The following PRKN variants were observed in gnomAD, a reference collection of about 807,000 sequenced individuals.
PRKN encodes parkin RBR E3 ubiquitin protein ligase.
In PRKN, 56 loss-of-function variants were observed where a neutral mutation model predicts 59.5. The observed-to-expected ratio is 0.94, with a 90% CI of 0.76 to 1.18. The LOEUF (loss-of-function observed/expected upper bound fraction) is 1.18, where lower values mean the gene tolerates loss of function less well. PRKN is among the 50% of genes most tolerant of loss of function. The probability of loss-of-function intolerance (pLI) is 0.00; values close to 1 mark genes in which losing one functional copy is unlikely to be tolerated. For missense variants in PRKN, 657 were observed against 596.4 expected, an observed-to-expected ratio of 1.10 and a Z score of -1.06; for synonymous variants, 250 against 222.1, an observed-to-expected ratio of 1.13 and a Z score of -1.12.
intron 1 of PRKN, among the ~76,000 whole-genome samples, chr6:162,509,469 A>G (rs984498714): frequency 6.6e-6 from 1 of 152,232 alleles, no homozygotes; most frequent in African/African-American, 2.4e-5. Flanking sequence ...AAATGTCAAT[A>G]TGCTAAATTT....
chr6:162,255,077 AAAAAT>A (rs200687735), intron 3 of PRKN, among the ~76,000 whole-genome samples: 28,503 of 138,250 alleles, frequency 0.21, 3,541 homozygotes, highest in East Asian at 0.53. Context: ...AGATTCATAC[AAAAAT>A]AAAATAAAAT....
intron 2 of PRKN, among the ~76,000 whole-genome samples, chr6:162,411,582 T>G (rs1485080511): frequency 6.6e-6 from 1 of 152,202 alleles, no homozygotes; most frequent in African/African-American, 2.4e-5. Flanking sequence ...TAAATATCAC[T>G]GTCATTTAAA....
chr6:162,310,424 C>A (rs905249972), intron 2 of PRKN, among the ~76,000 whole-genome samples: 1 of 152,248 alleles, frequency 6.6e-6, no homozygotes, highest in South Asian at 2.1e-4. Flanking sequence ...ATGCCAGATG[C>A]AGGGTCAGGA....
chr6:162,623,100 T>C (rs376053125), intron 1 of PRKN, among the ~76,000 whole-genome samples: 4 of 152,264 alleles, frequency 2.6e-5, no homozygotes, highest in African/African-American at 9.6e-5. Flanking sequence ...ACCCAGTCAT[T>C]AGGCTTCAGC....
chr6:161,757,022 A>C (rs1460108538), intron 7 of PRKN, among the ~76,000 whole-genome samples: 1 of 152,202 alleles, frequency 6.6e-6, no homozygotes, highest in African/African-American at 2.4e-5. Context: ...TGCTGTTTGA[A>C]AAAAATAAAT....
At chr6:161,813,584 T>C (rs1431521823) in intron 6 of PRKN, among the ~76,000 whole-genome samples, 1 of 152,144 alleles carries the variant, frequency 6.6e-6, no homozygotes, top group Non-Finnish European at 1.5e-5. Flanking sequence ...CCACCCCCTA[T>C]GCCCATGCCG....
chr6:162,278,390 G>A (rs1043002567), intron 2 of PRKN, among the ~76,000 whole-genome samples: 1 of 152,102 alleles, frequency 6.6e-6, no homozygotes, highest in Non-Finnish European at 1.5e-5. Flanking sequence ...CATTTGTCCA[G>A]ACCCACAGAG....
At chr6:161,958,608 G>C (rs918609120) in intron 6 of PRKN, among the ~76,000 whole-genome samples, 1 of 151,670 alleles carries the variant, frequency 6.6e-6, no homozygotes, top group Non-Finnish European at 1.5e-5. Flanking sequence ...GCCAGGTGCA[G>C]TGGCTCACAC....
At chr6:162,473,954 G>T (rs1791883751) in intron 1 of PRKN, among the ~76,000 whole-genome samples, 1 of 152,102 alleles carries the variant, frequency 6.6e-6, no homozygotes, top group Admixed American at 6.5e-5. Context: ...AAAAATAACT[G>T]ATTTCCCACC....
Position 161,407,153 on chromosome 6 carries a change from T to A in PRKN, c.1084-20276A>T, listed in dbSNP as rs1010207662. Among the ~76,000 whole-genome samples, 1 of 152,182 alleles carries A rather than the reference T, an allele frequency of 6.6e-6. No homozygotes were observed. The highest frequency in any genetic ancestry group is 6.5e-5 in the Admixed American group (1 of 15,278). The stretch of plus-strand genomic sequence containing the variant: ...TCTTTATATTTTTATAAATATGGTT[T>A]CACAATTTTTTACAGAGTCATAATC... On this transcript the variant is annotated intron_variant, in intron 9 of 11. Coordinates refer to ENST00000366898, the MANE Select transcript of PRKN (RefSeq NM_004562.3). This position sits in a 1 kb window ranked among gnomAD's most constrained non-coding sequence, Gnocchi z 4.9.
chr6:161,764,016 C>T, intron 7 of PRKN, among the ~76,000 whole-genome samples: 1 of 152,154 alleles, frequency 6.6e-6, no homozygotes, highest in Admixed American at 6.5e-5. Context: ...CAGCATCTGA[C>T]TTCCAGGACT....
At chr6:162,486,660 AACAAGAAAG>A (rs1189193467) in intron 1 of PRKN, among the ~76,000 whole-genome samples, 3 of 152,216 alleles carry the variant, frequency 2.0e-5, no homozygotes, top group African/African-American at 7.2e-5. Flanking sequence ...ACATTCTACC[AACAAGAAAG>A]ACTATTTTAT....
At position 162,217,962 on chromosome 6, in the gene PRKN, T is replaced by G. The variant is rs1040141496; in HGVS notation, c.413-16710A>C. ...TGTGGGAAAACATTCTGGCAGGATCTCTATGCAAAAGAAACAGGTGGTTTA... is the reference window on the plus strand; with the variant it reads ...TGTGGGAAAACATTCTGGCAGGATCGCTATGCAAAAGAAACAGGTGGTTTA... On this transcript the variant is annotated intron_variant, in intron 3 of 11. Transcript: ENST00000366898. Among the ~76,000 whole-genome samples the G allele has an allele frequency of 2.6e-5, 4 of 152,164 alleles. No homozygotes were observed. In the East Asian group the frequency reaches 7.7e-4, roughly 29 times the overall value.
chr6:161,873,863 C>T (rs1243512022), intron 6 of PRKN, among the ~76,000 whole-genome samples: 1 of 121,490 alleles, frequency 8.2e-6, no homozygotes, highest in Non-Finnish European at 1.7e-5. Flanking sequence ...TTTAAAAGAC[C>T]TGTTTTTTGT....
chr6:162,691,154 A>C (rs1473707604), intron 1 of PRKN, among the ~76,000 whole-genome samples: 5 of 152,128 alleles, frequency 3.3e-5, no homozygotes, highest in Non-Finnish European at 7.4e-5. Context: ...TTTTTTCATA[A>C]ATACATAAAA....
At chr6:161,621,706 C>G (rs1246106823) in intron 7 of PRKN, among the ~76,000 whole-genome samples, 1 of 152,042 alleles carries the variant, frequency 6.6e-6, no homozygotes, top group African/African-American at 2.4e-5. Flanking sequence ...CAAGTCGACA[C>G]CTAAAATTAA....
At chr6:161,655,335 C>A (rs1021641933) in intron 7 of PRKN, among the ~76,000 whole-genome samples, 2 of 151,776 alleles carry the variant, frequency 1.3e-5, no homozygotes, top group African/African-American at 4.8e-5. Context: ...TGGGCCCACC[C>A]AGGCTCTCAC....
intron 1 of PRKN, among the ~76,000 whole-genome samples, chr6:162,487,885 G>A (rs957641069): frequency 6.6e-6 from 1 of 152,008 alleles, no homozygotes; most frequent in African/African-American, 2.4e-5. Flanking sequence ...AGACCAGCCT[G>A]TGCAACAAAG....
chr6:162,403,362 T>C (rs184092006), intron 2 of PRKN, among the ~76,000 whole-genome samples: 12 of 152,218 alleles, frequency 7.9e-5, no homozygotes, highest in African/African-American at 2.9e-4. Flanking sequence ...GGCTGCGTCT[T>C]TACTCAAATG....
Sources: allele counts gnomAD v4.1 joint callset (sites outside exome capture counted in the v4.1 genomes callset), GRCh38; gene constraint gnomAD v4.1.1; non-coding constraint Gnocchi (gnomAD v3.1); transcripts MANE v1.5; gene names NCBI Gene and HGNC (gene_info 2026-07-23, HGNC 2026-07-21).